The following FNDC3B variants were observed in gnomAD, a reference collection of about 807,000 sequenced individuals.
FNDC3B encodes fibronectin type III domain containing 3B, also known as fibronectin type III domain-containing protein 3B.
In FNDC3B, 12 loss-of-function variants were observed where a neutral mutation model predicts 151.5. That is an observed-to-expected ratio of 0.08 (90% CI 0.05 to 0.13). FNDC3B has a LOEUF of 0.13. FNDC3B is among the 10% of genes least tolerant of loss of function. The pLI is 1.00. For synonymous variants in FNDC3B, 528 were observed against 549.0 expected (o/e 0.96, Z 0.54); for missense variants, 1,214 against 1,505.3 (o/e 0.81, Z 3.20).
chr3:172,338,312 C>CA (rs35736984), intron 16 of FNDC3B: 45,402 of 93,108 alleles, frequency 0.49, 11,653 homozygotes, highest in Non-Finnish European at 0.57. Flanking sequence ...GACTCTGTCT[C>CA]AAAAAAAAAA....
chr3:172,306,314 G>T (rs983831376), intron 9 of FNDC3B, among the ~76,000 whole-genome samples: 28 of 152,300 alleles, frequency 1.8e-4, no homozygotes, highest in African/African-American at 6.7e-4. Context: ...GACTTCCAGG[G>T]ATAAATACCA....
intron 25 of FNDC3B, among the ~76,000 whole-genome samples, chr3:172,386,619 G>T (rs1319491776): frequency 1.3e-5 from 2 of 152,150 alleles, no homozygotes; most frequent in Middle Eastern, 3.4e-3. Flanking sequence ...GCAGGCACCT[G>T]TAGTCCGAGC....
chr3:172,275,824 G>T (rs951204982), intron 6 of FNDC3B, among the ~76,000 whole-genome samples: 13 of 148,998 alleles, frequency 8.7e-5, no homozygotes, highest in East Asian at 5.8e-4. Flanking sequence ...TGATTATCTG[G>T]TTTTTTTTTT....
In FNDC3B at chr3:172,271,933, G is replaced by C. The variant is rs9868894; in HGVS notation, c.791-13993G>C. 1.7e-3 allele frequency among the ~76,000 whole-genome samples: 253 copies of C among 152,286 alleles called. 1 individual carries two copies. The highest frequency in any genetic ancestry group is 6.0e-3 in the African/African-American group (250 of 41,556). On this transcript the variant is annotated intron_variant, in intron 6 of 25. Transcript: ENST00000415807. ...ATGGCATTCTAGAAGAGAAAACCTG[G>C]ATTATGTAGCCTAAGATATGGTCTT...
chr3:172,077,290 T>A (rs1718061215), intron 1 of FNDC3B, among the ~76,000 whole-genome samples: 2 of 152,224 alleles, frequency 1.3e-5, no homozygotes, highest in Non-Finnish European at 2.9e-5. Flanking sequence ...TTCTGTTGTT[T>A]GAAAATTTAC....
chr3:172,187,221 T>C (rs1724232848), intron 3 of FNDC3B: 1 of 153,098 alleles, frequency 6.5e-6, no homozygotes, highest in Non-Finnish European at 1.5e-5. Context: ...AAATCAACTG[T>C]ATTGTACTTT....
At chr3:172,133,740 A>G in intron 3 of FNDC3B, 194 bp downstream of exon 3, 1 of 621,292 alleles carries the variant, frequency 1.6e-6, no homozygotes, top group South Asian at 1.7e-5. Context: ...TTTAGTGGTA[A>G]AATCTGTATT....
At chr3:172,393,318 A>G (rs1366514450) in intron 25 of FNDC3B, among the ~76,000 whole-genome samples, 1 of 152,224 alleles carries the variant, frequency 6.6e-6, no homozygotes, top group African/African-American at 2.4e-5. Context: ...GCATCAATTC[A>G]TCAAGAGGAT....
chr3:172,282,039 C>T (rs1455338635), intron 6 of FNDC3B, among the ~76,000 whole-genome samples: 1 of 152,124 alleles, frequency 6.6e-6, no homozygotes, highest in Non-Finnish European at 1.5e-5. Context: ...TACTTCGAGG[C>T]ACGCTTAGAT....
chr3:172,122,135 C>G (rs1424967776), intron 2 of FNDC3B, among the ~76,000 whole-genome samples: 2 of 151,866 alleles, frequency 1.3e-5, no homozygotes, highest in African/African-American at 4.9e-5. Flanking sequence ...TAGGCAGACT[C>G]TTTTCTTTTT....
intron 1 of FNDC3B, among the ~76,000 whole-genome samples, chr3:172,062,205 T>C (rs1717234614): frequency 1.3e-5 from 2 of 152,102 alleles, no homozygotes; most frequent in African/African-American, 4.8e-5. Context: ...GCAGGCTATA[T>C]ACAAATTTAT....
chr3:172,322,933 C>G (rs1732161734), intron 11 of FNDC3B, among the ~76,000 whole-genome samples: 1 of 152,194 alleles, frequency 6.6e-6, no homozygotes, highest in Admixed American at 6.5e-5. Context: ...CTGTTTATCT[C>G]CAGTTAATGT....
chr3:172,348,297 C>T (rs888040157), intron 21 of FNDC3B, among the ~76,000 whole-genome samples: 2 of 152,200 alleles, frequency 1.3e-5, no homozygotes, highest in Admixed American at 6.5e-5. Context: ...AGAAAATATT[C>T]GCTTCATAAC....
chr3:172,088,724 A>T (rs1305438532), intron 1 of FNDC3B, among the ~76,000 whole-genome samples: 1 of 152,234 alleles, frequency 6.6e-6, no homozygotes, highest in Non-Finnish European at 1.5e-5. Context: ...ATAAAAAGAT[A>T]AATTTTACAT....
chr3:172,241,129 T>C (rs1196084362), intron 4 of FNDC3B, among the ~76,000 whole-genome samples: 5 of 152,160 alleles, frequency 3.3e-5, no homozygotes, highest in African/African-American at 1.2e-4. Context: ...GCTAAACGTA[T>C]CACTTTTTAA....
chr3:172,344,050 A>C, intron 18 of FNDC3B, 36 bp from the exon 19 acceptor site: 1 of 1,572,188 alleles, frequency 6.4e-7, no homozygotes, highest in Non-Finnish European at 8.7e-7. Flanking sequence ...TGGAAGCACA[A>C]AGTGTTCTAA....
At chr3:172,113,646 C>T (rs1720097261) in intron 2 of FNDC3B, among the ~76,000 whole-genome samples, 1 of 152,224 alleles carries the variant, frequency 6.6e-6, no homozygotes, top group Non-Finnish European at 1.5e-5. Context: ...GTCTCTTCCT[C>T]TGCTGGATTA....
intron 2 of FNDC3B, among the ~76,000 whole-genome samples, chr3:172,118,506 C>G (rs539817655): frequency 6.6e-6 from 1 of 152,114 alleles, no homozygotes; most frequent in Non-Finnish European, 1.5e-5. Flanking sequence ...GACGATTACC[C>G]AGGAGAAAGA....
intron 3 of FNDC3B, among the ~76,000 whole-genome samples, chr3:172,153,371 C>T (rs1385280683): frequency 6.6e-6 from 1 of 152,156 alleles, no homozygotes; most frequent in Non-Finnish European, 1.5e-5. Flanking sequence ...CCGAGTGCTC[C>T]CTGCACTTGG....
Sources: gnomAD v4.1 joint callset for allele counts (sites outside exome capture counted in the v4.1 genomes callset) on GRCh38, gnomAD v4.1.1 for gene constraint, MANE v1.5 for transcripts, NCBI Gene and HGNC (gene_info 2026-07-23, HGNC 2026-07-21) for gene names.